Variants in STYK1 observed in about 807,000 individuals in gnomAD.
STYK1 encodes STY kinase 1, also known as tyrosine-protein kinase STYK1.
In STYK1, 46 loss-of-function variants were observed where a neutral mutation model predicts 48.1. That is an observed-to-expected ratio of 0.96 (90% CI 0.75 to 1.22). The LOEUF (loss-of-function observed/expected upper bound fraction) is 1.22. STYK1 is among the 50% of genes most tolerant of loss of function. The pLI, the probability that STYK1 is intolerant of heterozygous loss-of-function variation, is 0.00. For missense variants in STYK1, 527 were observed against 521.1 expected (o/e 1.01, Z -0.11); for synonymous variants, 188 against 189.0 (o/e 0.99, Z 0.04).
intron 1 of STYK1, among the ~76,000 whole-genome samples, chr12:10,645,248 A>G (rs549804033): frequency 5.9e-4 from 90 of 152,338 alleles, no homozygotes; most frequent in Non-Finnish European, 1.2e-3. Flanking sequence ...TGCAGTGGCC[A>G]GAGAGCAGGG....
chr12:10,651,657 G>A (rs1947663694), intron 1 of STYK1, among the ~76,000 whole-genome samples: 2 of 151,992 alleles, frequency 1.3e-5, no homozygotes, highest in African/African-American at 2.4e-5. Flanking sequence ...ATTGTTGAAC[G>A]ACCTCACCTT....
chr12:10,642,511 T>A (rs1947556291), intron 1 of STYK1, among the ~76,000 whole-genome samples: 1 of 152,158 alleles, frequency 6.6e-6, no homozygotes, highest in Non-Finnish European at 1.5e-5. Context: ...CTCCCTTCCT[T>A]CTTCATCTGC....
At chr12:10,649,115 A>AT (rs1947632156) in intron 1 of STYK1, among the ~76,000 whole-genome samples, 1 of 152,196 alleles carries the variant, frequency 6.6e-6, no homozygotes, top group East Asian at 1.9e-4. Flanking sequence ...CCCTTATTTA[A>AT]TTTTTTTGAA....
chr12:10,624,669 G>A lies in STYK1; in HGVS notation c.908C>T (p.Ala303Val), dbSNP rs760304108. 6.2e-7 allele frequency: 1 copy of A among 1,614,074 alleles called. No individual in the cohort carries two copies. ...LAPERLLLRP[A>V]SIRADVWSFG... ...ACCGTACACATCTGCTCTGATGCTA[G>A]CAGGTCTCAGGAGAAGCCGTTCTGG... is the stretch of plus-strand genomic sequence containing the variant. The change falls in exon 8 of 11, where the codon GCT becomes GTT. Residue 303 changes from alanine (A) to valine (V), a missense_variant. By Grantham distance (64) the Ala-to-Val change is moderately conservative. Transcript: ENST00000075503.
At chr12:10,662,942 G>C (rs7969783) in intron 1 of STYK1, among the ~76,000 whole-genome samples, 82,828 of 151,960 alleles carry the variant, frequency 0.55, 23,250 homozygotes, top group East Asian at 0.77. Context: ...TTTACACTTA[G>C]GTTTTTCCTA....
intron 1 of STYK1, among the ~76,000 whole-genome samples, chr12:10,641,269 T>G (rs1390155952): frequency 2.0e-5 from 3 of 152,164 alleles, no homozygotes; most frequent in African/African-American, 7.2e-5. Flanking sequence ...CACCAGAAGA[T>G]GGGTTGGGGC....
rs754400068 is a variant in STYK1, at chr12:10,621,868, C to T, written c.1064+8G>A. On this transcript the variant is annotated splice_region_variant and intron_variant, in intron 10 of 10. Transcript: ENST00000075503. ...TGAAAGAGGAGCAGGCCTTTAAAAA[C>T]CACTTACATGGTATGTGTGCAGCTA... 7 of 1,613,202 alleles carry T rather than the reference C, an allele frequency of 4.3e-6. No homozygotes were observed. The highest frequency in any genetic ancestry group is 1.3e-5 in the African/African-American group (1 of 74,998).
At chr12:10,626,481 AC>A (rs1433718484) in intron 7 of STYK1, among the ~76,000 whole-genome samples, 2 of 152,106 alleles carry the variant, frequency 1.3e-5, no homozygotes, top group African/African-American at 4.8e-5. Context: ...TTTTTTTCTA[AC>A]CTTTTCCTGA....
intron 1 of STYK1, among the ~76,000 whole-genome samples, chr12:10,638,904 C>T (rs1226768013): frequency 6.6e-6 from 1 of 152,174 alleles, no homozygotes; most frequent in Non-Finnish European, 1.5e-5. Flanking sequence ...CTTATCAACA[C>T]ATGTGGATCT....
chr12:10,662,269 T>A (rs4763573), intron 1 of STYK1, among the ~76,000 whole-genome samples: 85,289 of 152,078 alleles, frequency 0.56, 24,356 homozygotes, highest in East Asian at 0.77. Flanking sequence ...CATTTATCAG[T>A]GGGTGGGCAT....
intron 3 of STYK1, 66 bp from the exon 4 acceptor site, chr12:10,634,190 C>T (rs913674764): frequency 6.4e-7 from 1 of 1,553,048 alleles, no homozygotes; most frequent in Non-Finnish European, 8.7e-7. Context: ...CATGCAATTT[C>T]CCCTACCCGC....
intron 1 of STYK1, among the ~76,000 whole-genome samples, chr12:10,639,590 T>C (rs139636885): frequency 1.8e-4 from 27 of 152,230 alleles, no homozygotes; most frequent in African/African-American, 6.5e-4. Flanking sequence ...AATTTTTGTA[T>C]TTTTAGTAGA....
chr12:10,621,882 T>C lies in STYK1; in HGVS notation c.1058A>G (p.His353Arg), dbSNP rs751182051. The C allele has an allele frequency of 3.7e-6, 6 of 1,613,734 alleles. No homozygotes were observed. Among genetic ancestry groups the C allele is most frequent in the Middle Eastern group, 3.3e-4 (2 of 6,054 alleles). Residue 353 changes from histidine (H) to arginine (R), a missense_variant, in exon 10 of 11, where the codon CAT becomes CGT. Coordinates refer to ENST00000075503, the MANE Select transcript of STYK1 (RefSeq NM_018423.3). ...GCCTTTAAAAACCACTTACATGGTA[T>C]GTGTGCAGCTACTGGGTCTCTTCAT... ...KIMKRPSSCTHTMYSIMKSCW... is the reference protein window; with the variant it reads ...KIMKRPSSCTRTMYSIMKSCW...
intron 1 of STYK1, among the ~76,000 whole-genome samples, chr12:10,656,690 C>A (rs1004115676): frequency 6.6e-6 from 1 of 152,116 alleles, no homozygotes; most frequent in East Asian, 1.9e-4. Context: ...TCCGTTTTAT[C>A]TTCTTGCCAC....
rs537197920 is a variant in STYK1, at chr12:10,647,410, T to A, written c.-194-10214A>T. ...GACTTGTATGGGGCCTGTATCCCCT[T>A]TGTTTTGGCCAATTTCTCCCTGTGG... On this transcript the variant is annotated intron_variant, in intron 1 of 10. Transcript: ENST00000075503. 3.9e-5 allele frequency among the ~76,000 whole-genome samples: 6 copies of A among 152,356 alleles called. No individual in the cohort carries two copies. In the South Asian group the frequency reaches 1.2e-3, roughly 32 times the overall value.
At chr12:10,659,938 C>T (rs1351905963) in intron 1 of STYK1, among the ~76,000 whole-genome samples, 2 of 152,182 alleles carry the variant, frequency 1.3e-5, no homozygotes, top group East Asian at 3.9e-4. Flanking sequence ...TTTTTTTCTG[C>T]AATTTAGACT....
chr12:10,620,039 TC>T lies in STYK1; in HGVS notation c.*104del. ...TGTAAAGGAAGATCAAGAATCCATG[TC>T]CCATTTCTCCCTTTGTGTCCCTGGG... On this transcript the variant is annotated 3_prime_UTR_variant, in exon 11 of 11. Transcript: ENST00000075503. 1 of 1,244,250 alleles carries T rather than the reference TC, an allele frequency of 8.0e-7. No homozygotes were observed. Among genetic ancestry groups the T allele is most frequent in the Non-Finnish European group, 1.2e-6 (1 of 864,118 alleles). The allele number at this position is 1,244,250 out of a possible 1,614,324, so 77.1% of individuals were successfully genotyped here. A position where few individuals can be genotyped will look rare whatever the true frequency, so the allele number is the denominator to read the frequency against.
chr12:10,671,615 C>A (rs898644826), intron 1 of STYK1, among the ~76,000 whole-genome samples: 1 of 152,166 alleles, frequency 6.6e-6, no homozygotes, highest in Admixed American at 6.5e-5. Context: ...GAAACCTGCC[C>A]ATCCATTTTT....
chr12:10,668,373 C>G (rs11053894), intron 1 of STYK1, among the ~76,000 whole-genome samples: 7,323 of 150,368 alleles, frequency 0.049, 569 homozygotes, highest in African/African-American at 0.17. Flanking sequence ...TTTTCTTCTA[C>G]TTCTTCTTCT....
Sources: gnomAD v4.1 joint callset for allele counts (sites outside exome capture counted in the v4.1 genomes callset) on GRCh38, gnomAD v4.1.1 for gene constraint, MANE v1.5 for transcripts, NCBI Gene and HGNC (gene_info 2026-07-23, HGNC 2026-07-21) for gene names.